Variants in GPATCH2 observed in about 807,000 individuals in gnomAD.
GPATCH2 encodes the protein G-patch domain containing 2.
A neutral mutation model predicts 58.0 loss-of-function variants in GPATCH2; 51 were observed. That is an observed-to-expected ratio of 0.88 (90% confidence interval 0.70 to 1.11). GPATCH2 has a LOEUF of 1.11. Ranked by LOEUF, GPATCH2 falls within the 50% of genes most tolerant of loss-of-function variation. The pLI is 0.00. For synonymous variants in GPATCH2, 222 were observed against 218.5 expected (o/e 1.02, Z -0.14); for missense variants, 625 against 652.2 (o/e 0.96, Z 0.45).
chr1:217,560,188 C>T (rs1037740578), intron 5 of GPATCH2, among the ~76,000 whole-genome samples: 2 of 152,106 alleles, frequency 1.3e-5, no homozygotes, highest in African/African-American at 4.8e-5. Flanking sequence ...CCTGGTTACT[C>T]GTGTTTGTTT....
At chr1:217,457,696 T>C (rs1038529765) in intron 8 of GPATCH2, among the ~76,000 whole-genome samples, 3 of 152,200 alleles carry the variant, frequency 2.0e-5, no homozygotes, top group Non-Finnish European at 4.4e-5. Flanking sequence ...TTAGGGTCAT[T>C]TGAAAAAATC....
intron 5 of GPATCH2, among the ~76,000 whole-genome samples, chr1:217,539,958 T>C (rs1571885139): frequency 6.6e-6 from 1 of 152,224 alleles, no homozygotes; most frequent in African/African-American, 2.4e-5. Context: ...ACTTTTATCA[T>C]AACCACTTAG....
At chr1:217,538,641 C>T (rs952212922) in intron 5 of GPATCH2, among the ~76,000 whole-genome samples, 5 of 152,208 alleles carry the variant, frequency 3.3e-5, no homozygotes, top group Non-Finnish European at 5.9e-5. Flanking sequence ...ACCCTGGCCT[C>T]TCCATTCTGA....
chr1:217,505,803 T>C (rs908295584), intron 6 of GPATCH2, among the ~76,000 whole-genome samples: 15 of 152,160 alleles, frequency 9.9e-5, no homozygotes, highest in Non-Finnish European at 2.2e-4. Context: ...TTAAATTTAC[T>C]TTATTCAATT....
chr1:217,581,919 C>T (rs1002573748), intron 5 of GPATCH2, among the ~76,000 whole-genome samples: 3 of 152,110 alleles, frequency 2.0e-5, no homozygotes, highest in African/African-American at 7.2e-5. Context: ...CCACTGCACT[C>T]CAGCCTGGGT....
intron 7 of GPATCH2, 66 bp from the exon 8 acceptor site, chr1:217,491,816 G>A: frequency 3.3e-6 from 2 of 603,186 alleles, no homozygotes; most frequent in Non-Finnish European, 5.9e-6. Context: ...TTTGCAAGTA[G>A]GAAAATATTC....
chr1:217,462,431 C>T (rs898057312), intron 8 of GPATCH2, among the ~76,000 whole-genome samples: 10 of 151,928 alleles, frequency 6.6e-5, no homozygotes, highest in Admixed American at 1.3e-4. Flanking sequence ...GAAGAATCAA[C>T]AGTTTTGACT....
chr1:217,542,672 C>T (rs924071801), intron 5 of GPATCH2, among the ~76,000 whole-genome samples: 4 of 152,184 alleles, frequency 2.6e-5, no homozygotes, highest in Non-Finnish European at 5.9e-5. Context: ...AGCCAATAAA[C>T]ATCTATTTCC....
intron 8 of GPATCH2, among the ~76,000 whole-genome samples, chr1:217,453,144 G>C (rs1372017168): frequency 6.6e-6 from 1 of 152,202 alleles, no homozygotes; most frequent in African/African-American, 2.4e-5. Flanking sequence ...TGAGTCATTT[G>C]TCTTTGCAAA....
At chr1:217,585,071 A>G (rs1667275369) in intron 5 of GPATCH2, among the ~76,000 whole-genome samples, 1 of 152,116 alleles carries the variant, frequency 6.6e-6, no homozygotes, top group African/African-American at 2.4e-5. Context: ...AAATAAAACA[A>G]AAGTTAAATT....
At chr1:217,599,644 C>T (rs901107174) in intron 5 of GPATCH2, among the ~76,000 whole-genome samples, 1 of 152,086 alleles carries the variant, frequency 6.6e-6, no homozygotes, top group African/African-American at 2.4e-5. Context: ...AATTTTGTAT[C>T]CCCAGCCCCT....
intron 5 of GPATCH2, among the ~76,000 whole-genome samples, chr1:217,579,580 G>A (rs1476647190): frequency 1.3e-5 from 2 of 152,260 alleles, no homozygotes; most frequent in Middle Eastern, 3.4e-3. Flanking sequence ...GAGTTCAAAT[G>A]TTCAGACATA....
At chr1:217,562,520 G>T (rs1247522249) in intron 5 of GPATCH2, among the ~76,000 whole-genome samples, 1 of 152,124 alleles carries the variant, frequency 6.6e-6, no homozygotes, top group African/African-American at 2.4e-5. Flanking sequence ...TTGGTTTTAA[G>T]GATAGAAAGA....
At chr1:217,597,493 A>G (rs530983891) in intron 5 of GPATCH2, among the ~76,000 whole-genome samples, 1 of 152,272 alleles carries the variant, frequency 6.6e-6, no homozygotes, top group African/African-American at 2.4e-5. Context: ...AAAAGTTCAC[A>G]AATTGGAGGC....
chr1:217,488,837 A>C (rs535676137), intron 8 of GPATCH2, among the ~76,000 whole-genome samples: 11 of 151,256 alleles, frequency 7.3e-5, no homozygotes, highest in Non-Finnish European at 1.2e-4. Flanking sequence ...GACTACAGAC[A>C]TGCACCGCCA....
chr1:217,624,695 T>C (rs1013619330), intron 1 of GPATCH2, among the ~76,000 whole-genome samples: 9 of 152,246 alleles, frequency 5.9e-5, no homozygotes, highest in African/African-American at 1.7e-4. Flanking sequence ...CCTGGAAATA[T>C]AGCACTTTTC....
chr1:217,537,268 A>G (rs1664522015), intron 5 of GPATCH2, among the ~76,000 whole-genome samples: 1 of 152,128 alleles, frequency 6.6e-6, no homozygotes, highest in South Asian at 2.1e-4. Flanking sequence ...GCACATGTCT[A>G]CCCTGCTAGG....
Position 217,609,286 on chromosome 1 carries a change from T to G in GPATCH2, c.1098+1035A>C, listed in dbSNP as rs1432914600. On this transcript the variant is annotated intron_variant, in intron 5 of 9. Transcript: ENST00000366935. ...CACATATGGTCTGCCATTCTAAAGATGTACAAGCAGCTCTCACTTTTAAAC... is the reference window on the plus strand; with the variant it reads ...CACATATGGTCTGCCATTCTAAAGAGGTACAAGCAGCTCTCACTTTTAAAC... 4 of 985,012 alleles carry G rather than the reference T, an allele frequency of 4.1e-6. No individual in the cohort carries two copies. In the East Asian group the frequency reaches 4.5e-4, roughly 112 times the overall value. The allele number at this position is 985,012 out of a possible 1,614,324, so 61.0% of individuals were successfully genotyped here.
At chr1:217,432,491 T>C (rs778786360) in intron 9 of GPATCH2, among the ~76,000 whole-genome samples, 3 of 152,216 alleles carry the variant, frequency 2.0e-5, no homozygotes, top group African/African-American at 4.8e-5. Context: ...TTTCCTTCAA[T>C]TGCAAGCTTG....
Sources: gnomAD v4.1 joint callset for allele counts (sites outside exome capture counted in the v4.1 genomes callset) on GRCh38, gnomAD v4.1.1 for gene constraint, MANE v1.5 for transcripts, NCBI Gene and HGNC (gene_info 2026-07-23, HGNC 2026-07-21) for gene names.